Variants in SMIM36 observed in about 807,000 individuals in gnomAD.
SMIM36 encodes small integral membrane protein 36.
At chr17:55,513,554 G>A (rs1024170793), upstream of SMIM36, among the ~76,000 whole-genome samples, 3 of 152,210 alleles carry the variant, frequency 2.0e-5, no homozygotes, top group Non-Finnish European at 2.9e-5. Flanking sequence ...ACAGAAGCGA[G>A]GCTTTAAAAG....
intron 1 of SMIM36, among the ~76,000 whole-genome samples, chr17:55,506,000 C>T (rs1910073977): frequency 1.5e-5 from 1 of 66,674 alleles, no homozygotes; most frequent in Non-Finnish European, 2.3e-5. Context: ...AATAAAATAC[C>T]TAGGAATCCA....
upstream of SMIM36, among the ~76,000 whole-genome samples, chr17:55,514,751 G>C (rs1028284402): frequency 1.3e-5 from 2 of 152,132 alleles, no homozygotes; most frequent in Non-Finnish European, 2.9e-5. Context: ...AGATAAATAT[G>C]TGTCCCATAT....
the SMIM36 span, among the ~76,000 whole-genome samples, chr17:55,519,398 T>C: frequency 6.6e-6 from 1 of 151,856 alleles, no homozygotes; most frequent in African/African-American, 2.4e-5. Flanking sequence ...TGATAAATGG[T>C]GGAGTGAGTG....
chr17:55,457,451 C>CA (rs1179896909), intron 4 of SMIM36, among the ~76,000 whole-genome samples: 10,994 of 61,268 alleles, frequency 0.18, 716 homozygotes, highest in East Asian at 0.31. Context: ...AACTCCGTCT[C>CA]AAAAAAAAAA....
rs895231787 is a variant in SMIM36 at position 55,500,632 on chromosome 17, A to G, written c.*174+10247T>C. Reference sequence around the variant, plus strand: ...TTTTAGTTTTTTCCGAGAGAGAAATATAAAATGTTCAATGCATCTAATATT... The same window carrying G: ...TTTTAGTTTTTTCCGAGAGAGAAATGTAAAATGTTCAATGCATCTAATATT... On this transcript the variant is annotated intron_variant, in intron 1 of 4. Coordinates refer to ENST00000636752, the Ensembl canonical transcript of SMIM36. Among the ~76,000 whole-genome samples, 3 of 150,676 alleles carry G rather than the reference A, an allele frequency of 2.0e-5. No homozygotes were observed. In the Admixed American group the frequency reaches 2.0e-4, roughly 10 times the overall value.
chr17:55,520,985 G>C, the SMIM36 span, among the ~76,000 whole-genome samples: 2 of 152,140 alleles, frequency 1.3e-5, no homozygotes, highest in Admixed American at 6.5e-5. Flanking sequence ...TTAGCCAGGC[G>C]TGGTGGTGCA....
chr17:55,516,014 A>G (rs1179794828), upstream of SMIM36, among the ~76,000 whole-genome samples: 1 of 152,238 alleles, frequency 6.6e-6, no homozygotes, highest in Non-Finnish European at 1.5e-5. Flanking sequence ...GTATGGCTCC[A>G]TGAAGAAAAC....
intron 3 of SMIM36, among the ~76,000 whole-genome samples, chr17:55,477,566 G>T (rs1170911859): frequency 2.6e-5 from 4 of 152,134 alleles, no homozygotes; most frequent in Non-Finnish European, 5.9e-5. Flanking sequence ...TCTGGATGAG[G>T]CCCCATTCTG....
intron 1 of SMIM36, among the ~76,000 whole-genome samples, chr17:55,493,793 G>A (rs1336211916): frequency 8.9e-6 from 1 of 112,604 alleles, no homozygotes; most frequent in East Asian, 3.4e-4. Context: ...ATGGGCAGCA[G>A]AGCTCTCTCT....
chr17:55,530,570 G>T, the SMIM36 span, among the ~76,000 whole-genome samples: 1 of 152,144 alleles, frequency 6.6e-6, no homozygotes, highest in African/African-American at 2.4e-5. Context: ...GGATCAAAAG[G>T]TCAGGAGTTT....
In SMIM36 at chr17:55,510,550, G is replaced by A. The variant is rs578004941; in HGVS notation, c.*174+329C>T. 3.9e-5 allele frequency among the ~76,000 whole-genome samples: 6 copies of A among 152,260 alleles called. No individual in the cohort carries two copies. In the East Asian group the frequency reaches 9.7e-4, roughly 25 times the overall value. ...CAAGGCTGCAGTGAGCTATGATCAC[G>A]CTGCTGCACTTAAGCATGGGCAACA... On this transcript the variant is annotated intron_variant, in intron 1 of 4. Transcript: ENST00000636752.
intron 4 of SMIM36, among the ~76,000 whole-genome samples, chr17:55,458,954 G>A (rs1371851129): frequency 6.6e-6 from 1 of 152,242 alleles, no homozygotes; most frequent in African/African-American, 2.4e-5. Context: ...TGATAAGGAA[G>A]AGGGTCTAAT....
intron 4 of SMIM36, among the ~76,000 whole-genome samples, chr17:55,451,577 A>G (rs1908918399): frequency 6.6e-6 from 1 of 152,184 alleles, no homozygotes; most frequent in Non-Finnish European, 1.5e-5. Context: ...TTGTCACTAG[A>G]TTAAAAATGC....
At chr17:55,496,354 G>A (rs1909806825) in intron 1 of SMIM36, among the ~76,000 whole-genome samples, 1 of 152,116 alleles carries the variant, frequency 6.6e-6, no homozygotes, top group African/African-American at 2.4e-5. Flanking sequence ...CCCAGCATAT[G>A]GCTGGTGTTT....
the SMIM36 span, among the ~76,000 whole-genome samples, chr17:55,517,323 G>A: frequency 6.6e-6 from 1 of 152,198 alleles, no homozygotes; most frequent in Non-Finnish European, 1.5e-5. Flanking sequence ...GGCCAAGGAG[G>A]GTGGATCATC....
rs1199890109 is a variant in SMIM36, at chr17:55,491,198, C to T, written c.*175-11618G>A. On this transcript the variant is annotated intron_variant, in intron 1 of 4. Transcript: ENST00000636752. Reference sequence around the variant, plus strand: ...TTGAGGCTGCAGTGAGCCATGATTGCACCATTGCACTTTCGCTTAGGTGAC... The same window carrying T: ...TTGAGGCTGCAGTGAGCCATGATTGTACCATTGCACTTTCGCTTAGGTGAC... Among the ~76,000 whole-genome samples, 3 of 141,380 alleles carry T rather than the reference C, an allele frequency of 2.1e-5. No individual in the cohort carries two copies. The East Asian group carries it at 6.4e-4, about 30-fold the overall frequency. 92.8% of individuals were successfully genotyped at this position (141,380 alleles called of 152,430 possible). A position where few individuals can be genotyped will look rare whatever the true frequency, so the allele number is the denominator to read the frequency against.
chr17:55,476,499 G>A (rs191635682), intron 3 of SMIM36, among the ~76,000 whole-genome samples: 3 of 152,092 alleles, frequency 2.0e-5, no homozygotes, highest in Non-Finnish European at 4.4e-5. Context: ...CTCTTTACAC[G>A]GACACGCATA....
At chr17:55,497,873 G>A (rs1201530588) in intron 1 of SMIM36, among the ~76,000 whole-genome samples, 2 of 152,136 alleles carry the variant, frequency 1.3e-5, no homozygotes, top group African/African-American at 4.8e-5. Flanking sequence ...AAAGAGCTTT[G>A]ACATGTTAAA....
Position 55,478,380 on chromosome 17 carries a change from C to T in SMIM36, c.*347+382G>A, listed in dbSNP as rs574389581. 4.6e-5 allele frequency among the ~76,000 whole-genome samples: 7 copies of T among 151,978 alleles called. 1 individual carries two copies. In the South Asian group the frequency reaches 1.3e-3, roughly 27 times the overall value. On this transcript the variant is annotated intron_variant, in intron 3 of 4. Transcript: ENST00000636752. ...TCCCGAGTAGCTGGGACTACAGGTG[C>T]CACAATATCCAGCTAATTTTCATAT...
Sources: gnomAD v4.1 joint callset for allele counts (sites outside exome capture counted in the v4.1 genomes callset) on GRCh38, gnomAD v4.1.1 for gene constraint, MANE v1.5 for transcripts, NCBI Gene and HGNC (gene_info 2026-07-23, HGNC 2026-07-21) for gene names.